The following TXLNB variants were observed in gnomAD, a reference collection of about 807,000 sequenced individuals.
The protein encoded by TXLNB is taxilin beta.
A neutral mutation model predicts 57.4 loss-of-function variants in TXLNB; 37 were observed. The observed-to-expected ratio is 0.64, with a 90% CI of 0.50 to 0.85. The LOEUF is 0.85. TXLNB is among the 40% of genes least tolerant of loss of function. The pLI is 0.00. For synonymous variants in TXLNB, 302 were observed against 309.6 expected (o/e 0.98, Z 0.26); for missense variants, 848 against 825.6 (o/e 1.03, Z -0.33).
chr6:139,291,446 G>T (rs1347534374), intron 1 of TXLNB, among the ~76,000 whole-genome samples: 1 of 152,198 alleles, frequency 6.6e-6, no homozygotes, highest in Non-Finnish European at 1.5e-5. Context: ...TATTCTTCAT[G>T]AGATGCCACA....
chr6:139,277,703 A>C (rs1776936016), intron 2 of TXLNB, among the ~76,000 whole-genome samples: 1 of 151,636 alleles, frequency 6.6e-6, no homozygotes, highest in Admixed American at 6.6e-5. Flanking sequence ...TTTTGTTTCC[A>C]GTTGGAGTTT....
At chr6:139,310,091 C>T in the TXLNB span, among the ~76,000 whole-genome samples, 1 of 152,086 alleles carries the variant, frequency 6.6e-6, no homozygotes, top group Non-Finnish European at 1.5e-5. Flanking sequence ...GGGTATCACA[C>T]CAAAAGTTCA....
chr6:139,184,977 C>T, the TXLNB span, among the ~76,000 whole-genome samples: 7 of 152,170 alleles, frequency 4.6e-5, no homozygotes, highest in East Asian at 1.9e-4. Context: ...GTTGAATAAG[C>T]GCTTTATGCC....
chr6:139,244,904 A>G (rs1302407584), intron 8 of TXLNB, among the ~76,000 whole-genome samples: 1 of 152,220 alleles, frequency 6.6e-6, no homozygotes, highest in Non-Finnish European at 1.5e-5. Flanking sequence ...ACCTGAGCCA[A>G]TTCAGGAAAT....
chr6:139,275,734 C>T (rs1440725640), intron 3 of TXLNB, among the ~76,000 whole-genome samples: 2 of 152,188 alleles, frequency 1.3e-5, no homozygotes, highest in Non-Finnish European at 2.9e-5. Flanking sequence ...TGTGCTCCAT[C>T]AACAGGGATG....
At chr6:139,168,525 GA>G in the TXLNB span, among the ~76,000 whole-genome samples, 159 of 148,664 alleles carry the variant, frequency 1.1e-3, no homozygotes, top group Non-Finnish European at 2.0e-3. Context: ...ATTTTTTTTG[GA>G]AAAAAAATTT....
At chr6:139,258,333 C>T (rs549321282) in intron 6 of TXLNB, among the ~76,000 whole-genome samples, 2 of 152,212 alleles carry the variant, frequency 1.3e-5, no homozygotes, top group Admixed American at 6.5e-5. Context: ...TTTCATGTCT[C>T]GTGTTATACA....
chr6:139,187,677 G>A, the TXLNB span, among the ~76,000 whole-genome samples: 1 of 152,192 alleles, frequency 6.6e-6, no homozygotes, highest in Non-Finnish European at 1.5e-5. Flanking sequence ...TATGCAGATG[G>A]TGCCTGATAG....
At chr6:139,235,520 C>A (rs1458626308), downstream of TXLNB, among the ~76,000 whole-genome samples, 1 of 152,078 alleles carries the variant, frequency 6.6e-6, no homozygotes, top group Non-Finnish European at 1.5e-5. Context: ...GTGTCCCCAC[C>A]CAAATCTCAT....
chr6:139,298,780 A>C, the TXLNB span, among the ~76,000 whole-genome samples: 1 of 152,060 alleles, frequency 6.6e-6, no homozygotes, highest in East Asian at 1.9e-4. Context: ...TTTGATCCCC[A>C]GTGTTGGAGG....
chr6:139,258,395 C>G (rs1050304025), intron 6 of TXLNB, among the ~76,000 whole-genome samples: 1 of 152,172 alleles, frequency 6.6e-6, no homozygotes, highest in African/African-American at 2.4e-5. Flanking sequence ...AAGGTAATTA[C>G]ACCAATGGTG....
At chr6:139,210,860 A>G in the TXLNB span, among the ~76,000 whole-genome samples, 1 of 152,362 alleles carries the variant, frequency 6.6e-6, no homozygotes, top group Admixed American at 6.5e-5. Context: ...GGAGGGTCCT[A>G]CGCCCACGGA....
chr6:139,212,415 G>A, the TXLNB span, among the ~76,000 whole-genome samples: 1 of 152,188 alleles, frequency 6.6e-6, no homozygotes, highest in African/African-American at 2.4e-5. Flanking sequence ...ATACTTCACA[G>A]ACAAGCAAAT....
the TXLNB span, among the ~76,000 whole-genome samples, chr6:139,173,822 A>G: frequency 6.6e-6 from 1 of 152,232 alleles, no homozygotes; most frequent in East Asian, 1.9e-4. Flanking sequence ...AATTACGAGT[A>G]AGATATAATT....
rs148532287 is a variant in TXLNB, at chr6:139,242,747, C to A, written c.1834G>T (p.Gly612Cys). ...ASWKPEAEAS[G>C]QAPQAPTEAS... is the part of the protein sequence containing the mutation. ...TCGGTGGGAGCCTGTGGGGCCTGACCGGAAGCTTCTGCCTCTGGCTTCCAG... is the reference window on the plus strand; with the variant it reads ...TCGGTGGGAGCCTGTGGGGCCTGACAGGAAGCTTCTGCCTCTGGCTTCCAG... The change falls in exon 10 of 10, where the codon GGT (glycine) becomes TGT (cysteine). Residue 612 changes from glycine (G) to cysteine (C), a missense_variant. Coordinates refer to ENST00000358430, the MANE Select transcript of TXLNB (RefSeq NM_153235.4). 7 of 1,613,614 alleles carry A rather than the reference C, an allele frequency of 4.3e-6. No homozygotes were observed. Among genetic ancestry groups the A allele is most frequent in the Non-Finnish European group, 4.2e-6 (5 of 1,179,844 alleles).
At chr6:139,262,898 T>C in intron 4 of TXLNB, 125 bp from the exon 5 acceptor site, 7 of 903,488 alleles carry the variant, frequency 7.7e-6, no homozygotes, top group Non-Finnish European at 1.1e-5. Context: ...TCTCTAGAGC[T>C]AAAGCTGCTC....
At chr6:139,221,841 C>A in the TXLNB span, among the ~76,000 whole-genome samples, 1 of 151,990 alleles carries the variant, frequency 6.6e-6, no homozygotes, top group African/African-American at 2.4e-5. Flanking sequence ...GATTAGATGG[C>A]GTTAAAATGT....
the TXLNB span, among the ~76,000 whole-genome samples, chr6:139,319,093 C>A: frequency 6.6e-6 from 1 of 151,730 alleles, no homozygotes; most frequent in Non-Finnish European, 1.5e-5. Context: ...CAGGCACGCA[C>A]CATCATGCCC....
At chr6:139,238,706 A>G (rs1775863770), downstream of TXLNB, among the ~76,000 whole-genome samples, 1 of 152,194 alleles carries the variant, frequency 6.6e-6, no homozygotes, top group Non-Finnish European at 1.5e-5. Context: ...CAGAAATGGA[A>G]ATTATTTAAA....
Sources: gnomAD v4.1 joint callset for allele counts (sites outside exome capture counted in the v4.1 genomes callset) on GRCh38, gnomAD v4.1.1 for gene constraint, MANE v1.5 for transcripts, NCBI Gene and HGNC (gene_info 2026-07-23, HGNC 2026-07-21) for gene names.